The following LIFR variants were observed in gnomAD, a reference collection of about 807,000 sequenced individuals.
The protein encoded by LIFR is LIF receptor subunit alpha.
A neutral mutation model predicts 122.2 loss-of-function variants in LIFR; 84 were observed. The ratio of observed to expected loss-of-function variants is 0.69; its 90% CI spans 0.58 to 0.82. LIFR has a LOEUF of 0.82. Among genes scored for constraint, LIFR ranks in the 40% least tolerant of loss-of-function variants. The pLI is 0.00. For missense variants in LIFR, 1,294 were observed against 1,311.6 expected, an observed-to-expected ratio of 0.99 and a Z score of 0.21; for synonymous variants, 422 against 434.7, an observed-to-expected ratio of 0.97 and a Z score of 0.36.
rs3797161 is a variant in LIFR at position 38,503,356 on chromosome 5, C to T, written c.1438-557G>A. 0.018 allele frequency among the ~76,000 whole-genome samples: 2,781 copies of T among 152,140 alleles called. 203 individuals carry two copies. In the East Asian group the frequency reaches 0.26, roughly 14 times the overall value. The stretch of plus-strand genomic sequence containing the variant: ...TAAATATAGTTAAAATGAAACATTT[C>T]TAAACAAATTTGAATATCTGCCTGT... On this transcript the variant is annotated intron_variant, in intron 10 of 19. Coordinates refer to ENST00000453190, the MANE Select transcript of LIFR (RefSeq NM_001127671.2).
chr5:38,574,691 T>G (rs1250544944), intron 1 of LIFR, among the ~76,000 whole-genome samples: 2 of 152,228 alleles, frequency 1.3e-5, no homozygotes, highest in Non-Finnish European at 1.5e-5. Flanking sequence ...CCAGCACTGC[T>G]GCCACTTGGT....
intron 1 of LIFR, among the ~76,000 whole-genome samples, chr5:38,534,073 A>C (rs1747162624): frequency 6.6e-6 from 1 of 152,182 alleles, no homozygotes; most frequent in Admixed American, 6.5e-5. Flanking sequence ...GTTGAGCAAA[A>C]CAAGTGCAAT....
chr5:38,536,278 A>G (rs1031696196), intron 1 of LIFR, among the ~76,000 whole-genome samples: 1 of 152,142 alleles, frequency 6.6e-6, no homozygotes, highest in African/African-American at 2.4e-5. Context: ...GCAACCACAG[A>G]TTCAACCAAC....
intron 5 of LIFR, among the ~76,000 whole-genome samples, chr5:38,514,019 TAAAAA>T (rs1745945134): frequency 6.6e-6 from 1 of 151,796 alleles, no homozygotes; most frequent in African/African-American, 2.4e-5. Context: ...CTGGATACAT[TAAAAA>T]AATAACATAA....
intron 16 of LIFR, among the ~76,000 whole-genome samples, chr5:38,486,721 TAGAG>T (rs1408299177): frequency 6.6e-6 from 1 of 152,066 alleles, no homozygotes; most frequent in African/African-American, 2.4e-5. Flanking sequence ...GTAGCAAACT[TAGAG>T]AGATGTGACT....
chr5:38,484,966 G>A, intron 17 of LIFR, 98 bp from the exon 18 acceptor site: 1 of 820,278 alleles, frequency 1.2e-6, no homozygotes, highest in South Asian at 1.5e-5. Context: ...AAATTATTTA[G>A]GAAAAAAACA....
intron 1 of LIFR, among the ~76,000 whole-genome samples, chr5:38,540,028 A>C (rs780765664): frequency 4.6e-5 from 7 of 152,130 alleles, no homozygotes; most frequent in African/African-American, 1.7e-4. Flanking sequence ...TCTGTAGCCA[A>C]CTCTGACTGC....
rs1743904915 is a variant in LIFR at position 38,480,029 on chromosome 5, G to C, written c.*1566C>G. ...TCACTCTGGCTTTTTTCCACAACATGGTTTTTAAAAAGATACAATATGAGC... is the reference window on the plus strand; with the variant it reads ...TCACTCTGGCTTTTTTCCACAACATCGTTTTTAAAAAGATACAATATGAGC... On this transcript the variant is annotated 3_prime_UTR_variant, in exon 20 of 20. Transcript: ENST00000453190. 4.5e-6 allele frequency: 1 copy of C among 221,804 alleles called. No homozygotes were observed. Among genetic ancestry groups the C allele is most frequent in the Admixed American group, 5.8e-5 (1 of 17,330 alleles). The allele number at this position is 221,804 out of a possible 1,614,324, so 13.7% of individuals were successfully genotyped here.
At position 38,481,639 on chromosome 5, in the gene LIFR, C is replaced by A; in HGVS notation, c.3250G>T (p.Gly1084Trp). 6.2e-7 allele frequency: 1 copy of A among 1,614,070 alleles called. No individual in the cohort carries two copies. Among genetic ancestry groups the A allele is most frequent in the Non-Finnish European group, 8.5e-7 (1 of 1,179,956 alleles). ...TGAAAAAAGTTTGTAAAGGACCACC[C>A]TCCTCCATTAGATTTAGGAGAGTCT... is the stretch of plus-strand genomic sequence containing the variant. The part of the protein sequence containing the change: ...DEDSPKSNGG[G>W]WSFTNFFQNK... Residue 1084 changes from glycine (G) to tryptophan (W), a missense_variant, in exon 20 of 20, where the codon GGG (glycine) becomes TGG (tryptophan). Transcript: ENST00000453190.
rs74542394 is a variant in LIFR, at chr5:38,514,824, A to C, written c.562-2860T>G. 8.6e-3 allele frequency among the ~76,000 whole-genome samples: 1,309 copies of C among 152,290 alleles called. 8 individuals carry two copies. The highest frequency in any genetic ancestry group is 0.014 in the Non-Finnish European group (947 of 68,018). On this transcript the variant is annotated intron_variant, in intron 5 of 19. Coordinates refer to ENST00000453190, the MANE Select transcript of LIFR (RefSeq NM_001127671.2). ...TAACTACTATTTACACAACACTTAC[A>C]TTGTATTAGGTGTTACAAATAATCT...
Position 38,476,175 on chromosome 5 carries a change from G to T in LIFR, c.*5420C>A. 4.9e-6 allele frequency: 1 copy of T among 205,466 alleles called. No homozygotes were observed. Among genetic ancestry groups the T allele is most frequent in the Middle Eastern group, 1.6e-3 (1 of 626 alleles). 12.7% of individuals were successfully genotyped at this position (205,466 alleles called of 1,614,324 possible). ...GGGGAAAAGCATTTGGAATCAAACT[G>T]GGAGAAGAATGTTTTACAAAAATTG... On this transcript the variant is annotated 3_prime_UTR_variant, in exon 20 of 20. Coordinates refer to ENST00000453190, the MANE Select transcript of LIFR (RefSeq NM_001127671.2).
rs1323811803 is a variant in LIFR, at chr5:38,583,426, G to C, written c.-20+11835C>G. 2.0e-5 allele frequency among the ~76,000 whole-genome samples: 3 copies of C among 151,998 alleles called. No homozygotes were observed. In the East Asian group the frequency reaches 5.8e-4, roughly 29 times the overall value. On this transcript the variant is annotated intron_variant, in intron 1 of 19. Coordinates refer to the LIFR transcript ENST00000263409. Reference sequence around the variant, plus strand: ...AGAAAACACTGACACCAAAAGTTCAGGCTAAAAAAGCAAAAATAAATAAAT... The same window carrying C: ...AGAAAACACTGACACCAAAAGTTCACGCTAAAAAAGCAAAAATAAATAAAT...
intron 1 of LIFR, chr5:38,555,054 T>C (rs989598560): frequency 6.6e-6 from 1 of 152,234 alleles, no homozygotes; most frequent in Non-Finnish European, 1.5e-5. Flanking sequence ...AGGAAATAGC[T>C]GCTCCGATCA....
chr5:38,568,235 G>C (rs543663292), intron 1 of LIFR, among the ~76,000 whole-genome samples: 1 of 152,310 alleles, frequency 6.6e-6, no homozygotes, highest in East Asian at 1.9e-4. Flanking sequence ...AAAAAATTAA[G>C]TGGGTTTAAA....
chr5:38,490,128 T>G, intron 15 of LIFR, 62 bp downstream of exon 15: 1 of 674,050 alleles, frequency 1.5e-6, no homozygotes, highest in East Asian at 2.8e-5. Flanking sequence ...ATACCATTGT[T>G]GCCAATTTAT....
At chr5:38,593,870 G>T (rs1750012696) in intron 1 of LIFR, among the ~76,000 whole-genome samples, 1 of 152,174 alleles carries the variant, frequency 6.6e-6, no homozygotes, top group Admixed American at 6.5e-5. Context: ...CTCTGATTCT[G>T]CCTGGTGCCT....
chr5:38,601,003 G>T (rs551066691), intron 2 of LIFR, among the ~76,000 whole-genome samples: 1 of 152,322 alleles, frequency 6.6e-6, no homozygotes, highest in East Asian at 1.9e-4. Context: ...CCTTAGAGGG[G>T]TGTTATGGAC....
intron 1 of LIFR, among the ~76,000 whole-genome samples, chr5:38,594,034 A>T (rs995466714): frequency 4.6e-5 from 7 of 152,206 alleles, no homozygotes; most frequent in African/African-American, 1.7e-4. Flanking sequence ...AGGGGAAACA[A>T]GAGAGACAGG....
At chr5:38,497,055 T>G (rs949753521) in intron 12 of LIFR, among the ~76,000 whole-genome samples, 3 of 151,476 alleles carry the variant, frequency 2.0e-5, no homozygotes, top group Admixed American at 2.0e-4. Context: ...CCCAGCACTT[T>G]GGGAGGCCGA....
Sources: allele counts gnomAD v4.1 joint callset (sites outside exome capture counted in the v4.1 genomes callset), GRCh38; gene constraint gnomAD v4.1.1; transcripts MANE v1.5; gene names NCBI Gene and HGNC (gene_info 2026-07-23, HGNC 2026-07-21).